SPMIP4: variants seen among roughly 807,000 people sequenced by gnomAD.
SPMIP4 encodes the protein sperm-associated microtubule inner protein 4.
At chr7:25,173,326 G>A in the SPMIP4 span, among the ~76,000 whole-genome samples, 1 of 152,188 alleles carries the variant, frequency 6.6e-6, no homozygotes, top group Non-Finnish European at 1.5e-5. This position sits in a 1 kb window ranked among gnomAD's most constrained non-coding sequence, Gnocchi z 4.4. Flanking sequence ...GCAAAGCATG[G>A]CCCATGGGCC....
the SPMIP4 span, chr7:25,142,198 C>T: frequency 1.0e-3 from 1,488 of 1,429,228 alleles, 11 homozygotes; most frequent in African/African-American, 0.018. Flanking sequence ...AGGAGCCCAG[C>T]ACTCTCCCCC....
the SPMIP4 span, among the ~76,000 whole-genome samples, chr7:25,162,530 A>G: frequency 1.3e-5 from 2 of 152,092 alleles, no homozygotes; most frequent in Non-Finnish European, 2.9e-5. Flanking sequence ...TACCTAAAGG[A>G]TAAGAAAAGT....
At chr7:25,168,602 A>G in the SPMIP4 span, 1 of 706,814 alleles carries the variant, frequency 1.4e-6, no homozygotes, top group Non-Finnish European at 2.2e-6. Flanking sequence ...TCTCAGTGTC[A>G]GGTAGATTAT....
At chr7:25,153,563 C>CAAAA in the SPMIP4 span, among the ~76,000 whole-genome samples, 1,239 of 140,926 alleles carry the variant, frequency 8.8e-3, 19 homozygotes, top group African/African-American at 0.031. Flanking sequence ...GACTCCGTCT[C>CAAAA]AAAAAAAAAA....
At chr7:25,152,618 C>T in the SPMIP4 span, among the ~76,000 whole-genome samples, 1 of 152,158 alleles carries the variant, frequency 6.6e-6, no homozygotes, top group South Asian at 2.1e-4. Flanking sequence ...CTCAGGCAAT[C>T]TGATTCTAGA....
At chr7:25,141,790 C>T in the SPMIP4 span, among the ~76,000 whole-genome samples, 6 of 151,794 alleles carry the variant, frequency 4.0e-5, no homozygotes, top group Non-Finnish European at 7.4e-5. Flanking sequence ...TAGGCTGGAG[C>T]GCAGTGGCAC....
the SPMIP4 span, chr7:25,151,702 A>G: frequency 1.4e-6 from 2 of 1,410,004 alleles, no homozygotes; most frequent in East Asian, 4.6e-5. Context: ...TTTCAGGAAA[A>G]GCAATAAATA....
chr7:25,127,211 G>A, the SPMIP4 span, among the ~76,000 whole-genome samples: 1 of 152,018 alleles, frequency 6.6e-6, no homozygotes, highest in African/African-American at 2.4e-5. Flanking sequence ...TCTTGTACTT[G>A]AATATTGATA....
the SPMIP4 span, among the ~76,000 whole-genome samples, chr7:25,139,878 T>C: frequency 6.6e-6 from 1 of 152,242 alleles, no homozygotes; most frequent in Admixed American, 6.5e-5. Context: ...GTCTGTTCTT[T>C]ATGGTTTAAT....
the SPMIP4 span, chr7:25,136,763 G>T: frequency 1.2e-6 from 2 of 1,612,492 alleles, no homozygotes; most frequent in Non-Finnish European, 1.7e-6. The surrounding 1 kb of genome is among the most constrained non-coding windows in gnomAD (Gnocchi z 5.7). Flanking sequence ...AACGGTCTGG[G>T]AGGTTTGAAG....
the SPMIP4 span, chr7:25,179,477 T>C: frequency 3.6e-6 from 2 of 551,316 alleles, no homozygotes; most frequent in Non-Finnish European, 3.0e-6. Flanking sequence ...CAGTAATAAA[T>C]AGAGACCTAA....
chr7:25,165,629 T>C, the SPMIP4 span, among the ~76,000 whole-genome samples: 2 of 152,198 alleles, frequency 1.3e-5, no homozygotes, highest in Non-Finnish European at 2.9e-5. Context: ...ATTACAGGCG[T>C]GAGCCGCCGC....
chr7:25,142,574 G>T, the SPMIP4 span: 1 of 1,352,264 alleles, frequency 7.4e-7, no homozygotes, highest in Non-Finnish European at 1.0e-6. Context: ...TTGAAAGCTT[G>T]TCATAGCATT....
chr7:25,163,501 C>T, the SPMIP4 span, among the ~76,000 whole-genome samples: 2 of 152,304 alleles, frequency 1.3e-5, no homozygotes, highest in African/African-American at 4.8e-5. This position sits in a 1 kb window ranked among gnomAD's most constrained non-coding sequence, Gnocchi z 4.4. Context: ...GATAAAACGA[C>T]CAGCTGTGTG....
chr7:25,164,364 C>G, the SPMIP4 span, among the ~76,000 whole-genome samples: 3 of 152,068 alleles, frequency 2.0e-5, no homozygotes, highest in East Asian at 5.8e-4. Context: ...ATATCAAGGG[C>G]CAGAGGATAT....
chr7:25,127,410 T>C, the SPMIP4 span, among the ~76,000 whole-genome samples: 1 of 152,196 alleles, frequency 6.6e-6, no homozygotes, highest in African/African-American at 2.4e-5. Context: ...TGAGTGTGTA[T>C]TTTCAAATAG....
At chr7:25,153,429 G>C in the SPMIP4 span, among the ~76,000 whole-genome samples, 4 of 151,902 alleles carry the variant, frequency 2.6e-5, no homozygotes, top group Non-Finnish European at 5.9e-5. Flanking sequence ...GTGGGTGGGT[G>C]GGTGTGGTGG....
At chr7:25,133,889 G>A in the SPMIP4 span, among the ~76,000 whole-genome samples, 1 of 152,108 alleles carries the variant, frequency 6.6e-6, no homozygotes, top group Non-Finnish European at 1.5e-5. Flanking sequence ...TATATATTGT[G>A]CATGTACTGG....
the SPMIP4 span, chr7:25,136,535 TC>T: frequency 6.2e-7 from 1 of 1,614,196 alleles, no homozygotes; most frequent in Non-Finnish European, 8.5e-7. The surrounding 1 kb of genome is among the most constrained non-coding windows in gnomAD (Gnocchi z 5.7). Flanking sequence ...GACAGCAAGC[TC>T]TGTTCTTCTA....
Sources: gnomAD v4.1 joint callset for allele counts (sites outside exome capture counted in the v4.1 genomes callset) on GRCh38, gnomAD v4.1.1 for gene constraint, Gnocchi (gnomAD v3.1) non-coding constraint, MANE v1.5 for transcripts, NCBI Gene and HGNC (gene_info 2026-07-23, HGNC 2026-07-21) for gene names.